KCNJ6: variants seen among roughly 807,000 people sequenced by gnomAD.
The protein encoded by KCNJ6 is potassium inwardly rectifying channel subfamily J member 6.
KCNJ6 carries 9 observed loss-of-function variants against 34.2 expected under a neutral mutation model. The observed-to-expected ratio is 0.26, with a 90% CI of 0.16 to 0.46. The LOEUF (loss-of-function observed/expected upper bound fraction) is 0.46, where lower values mean the gene tolerates loss of function less well. KCNJ6 is among the 20% of genes least tolerant of loss of function. The pLI is 1.00. For synonymous variants in KCNJ6, 196 were observed against 207.1 expected (o/e 0.95, Z 0.46); for missense variants, 236 against 531.3 (o/e 0.44, Z 5.46).
intron 1 of KCNJ6, 28 bp from the exon 2 acceptor site, chr21:37,840,737 C>T (rs1252259351): frequency 4.8e-6 from 6 of 1,261,034 alleles, no homozygotes; most frequent in Non-Finnish European, 6.9e-6. Context: ...AGACAATTAT[C>T]TGTAAAACAT....
intron 1 of KCNJ6, among the ~76,000 whole-genome samples, chr21:37,902,970 C>T (rs780379698): frequency 1.2e-4 from 19 of 152,200 alleles, no homozygotes; most frequent in Non-Finnish European, 2.1e-4. Context: ...GCAAGTCCCT[C>T]TTGCACATAT....
At chr21:37,821,261 T>C (rs984315273) in intron 2 of KCNJ6, among the ~76,000 whole-genome samples, 2 of 152,250 alleles carry the variant, frequency 1.3e-5, no homozygotes, top group Non-Finnish European at 2.9e-5. Flanking sequence ...AAACGTTACC[T>C]ACATTGTTGC....
intron 1 of KCNJ6, among the ~76,000 whole-genome samples, chr21:37,862,726 C>T (rs1342844775): frequency 6.6e-6 from 1 of 152,204 alleles, no homozygotes; most frequent in Admixed American, 6.5e-5. Flanking sequence ...TAGTTGAACA[C>T]ATTCTGGCAG....
intron 2 of KCNJ6, among the ~76,000 whole-genome samples, chr21:37,718,815 TAATAAA>T (rs1464483411): frequency 6.6e-6 from 1 of 151,846 alleles, no homozygotes; most frequent in Non-Finnish European, 1.5e-5. Context: ...TAAAGTATAA[TAATAAA>T]AAAAAAATAC....
chr21:37,899,447 C>A (rs947863259), intron 1 of KCNJ6, among the ~76,000 whole-genome samples: 2 of 152,194 alleles, frequency 1.3e-5, no homozygotes, highest in African/African-American at 4.8e-5. Context: ...TTCTTTCTCT[C>A]TCTTTCTCCA....
chr21:37,709,606 G>A (rs1298751209), intron 3 of KCNJ6, among the ~76,000 whole-genome samples: 1 of 152,194 alleles, frequency 6.6e-6, no homozygotes, highest in African/African-American at 2.4e-5. Context: ...CACTCATGGT[G>A]CAAAGGGCAC....
chr21:37,712,342 G>A (rs541209986), intron 3 of KCNJ6, among the ~76,000 whole-genome samples: 2 of 152,248 alleles, frequency 1.3e-5, no homozygotes, highest in East Asian at 1.9e-4. Context: ...CTCTGTGGCC[G>A]CTAGGGGGAT....
At chr21:37,725,210 T>A (rs961144780) in intron 2 of KCNJ6, among the ~76,000 whole-genome samples, 1 of 152,254 alleles carries the variant, frequency 6.6e-6, no homozygotes, top group Admixed American at 6.5e-5. Context: ...CTGGCCAACA[T>A]AGTGAAACCC....
intron 3 of KCNJ6, among the ~76,000 whole-genome samples, chr21:37,693,610 G>T (rs1446710561): frequency 6.6e-6 from 1 of 152,054 alleles, no homozygotes; most frequent in Non-Finnish European, 1.5e-5. Flanking sequence ...GGGAGGGGTG[G>T]GGGGATACAA....
intron 1 of KCNJ6, among the ~76,000 whole-genome samples, chr21:37,854,749 A>T (rs1197922521): frequency 6.6e-6 from 1 of 152,230 alleles, no homozygotes; most frequent in Non-Finnish European, 1.5e-5. Flanking sequence ...ATCACATGAG[A>T]TATTCATAAA....
At chr21:37,871,275 G>A (rs2055650771) in intron 1 of KCNJ6, among the ~76,000 whole-genome samples, 1 of 152,182 alleles carries the variant, frequency 6.6e-6, no homozygotes, top group African/African-American at 2.4e-5. Context: ...GATAGTCATT[G>A]AACATGTGTT....
rs938084424 is a variant in KCNJ6 at position 37,720,865 on chromosome 21, G to A, written c.26-5734C>T. ...TGGGACTACAGGCGCCCGCCACCGC[G>A]CCCGGCTAATTTTTTGTATTTTTAG... On this transcript the variant is annotated intron_variant, in intron 2 of 3. Coordinates refer to ENST00000609713, the MANE Select transcript of KCNJ6 (RefSeq NM_002240.5). Among the ~76,000 whole-genome samples the A allele has an allele frequency of 4.6e-5, 7 of 151,310 alleles. No individual in the cohort carries two copies. In the South Asian group the frequency reaches 6.3e-4, roughly 14 times the overall value.
chr21:37,689,358 C>G (rs1317468814), intron 3 of KCNJ6, among the ~76,000 whole-genome samples: 1 of 151,858 alleles, frequency 6.6e-6, no homozygotes, highest in Non-Finnish European at 1.5e-5. Context: ...CACTTGGAAG[C>G]AAATTCATAA....
chr21:37,886,937 T>G lies in KCNJ6; in HGVS notation c.-28+28947A>C, dbSNP rs555064863. 1.6e-3 allele frequency among the ~76,000 whole-genome samples: 243 copies of G among 151,950 alleles called. 1 individual carries two copies. The highest frequency in any genetic ancestry group is 5.0e-3 in the African/African-American group (209 of 41,462). On this transcript the variant is annotated intron_variant, in intron 1 of 3. Transcript: ENST00000609713. ...CCACCACCTGATCCAACCTTGTTTT[T>G]TTTTTTTTTTTTCTTTTCTAAATTT...
intron 3 of KCNJ6, among the ~76,000 whole-genome samples, chr21:37,658,579 G>T (rs933601338): frequency 1.3e-5 from 2 of 152,038 alleles, no homozygotes; most frequent in Non-Finnish European, 2.9e-5. Context: ...TTTTTGGCTT[G>T]TCTGCAGAAT....
intron 2 of KCNJ6, among the ~76,000 whole-genome samples, chr21:37,784,500 G>A (rs188989047): frequency 1.3e-5 from 2 of 152,280 alleles, no homozygotes; most frequent in Admixed American, 6.5e-5. Context: ...AACTTATTTG[G>A]AAATACGGTC....
chr21:37,799,726 T>TA (rs1420310085), intron 2 of KCNJ6, among the ~76,000 whole-genome samples: 1 of 152,188 alleles, frequency 6.6e-6, no homozygotes, highest in African/African-American at 2.4e-5. Context: ...TCTGTTACAT[T>TA]TCTTATATGA....
At chr21:37,669,917 G>A (rs192474032) in intron 3 of KCNJ6, among the ~76,000 whole-genome samples, 14 of 152,254 alleles carry the variant, frequency 9.2e-5, no homozygotes, top group Admixed American at 3.3e-4. Flanking sequence ...TACTTGTGGT[G>A]TCACAGCTAA....
chr21:37,818,207 CGTGCGTGTGTGT>C (rs1382253805), intron 2 of KCNJ6, among the ~76,000 whole-genome samples: 25 of 80,958 alleles, frequency 3.1e-4, no homozygotes, highest in Non-Finnish European at 4.9e-4. Flanking sequence ...TGTGTGTGTG[CGTGCGTGTGTGT>C]GTGTGTGTGT....
Sources: gnomAD v4.1 joint callset for allele counts (sites outside exome capture counted in the v4.1 genomes callset) on GRCh38, gnomAD v4.1.1 for gene constraint, MANE v1.5 for transcripts, NCBI Gene and HGNC (gene_info 2026-07-23, HGNC 2026-07-21) for gene names.